ZNF540: variants seen among roughly 807,000 people sequenced by gnomAD.
ZNF540 encodes CTD-3064H18.6.
ZNF540 carries 3 observed loss-of-function variants against 11.8 expected under a neutral mutation model. That is an observed-to-expected ratio of 0.25 (90% CI 0.12 to 0.65). The LOEUF is 0.65. Among genes scored for constraint, ZNF540 ranks in the 30% least tolerant of loss-of-function variants. The pLI is 0.83. For missense variants in ZNF540, 709 were observed against 793.1 expected (o/e 0.89, Z 1.27); for synonymous variants, 247 against 259.0 (o/e 0.95, Z 0.45).
At chr19:37,565,157 C>T (rs2042805166) in intron 1 of ZNF540, 1 of 1,613,462 alleles carries the variant, frequency 6.2e-7, no homozygotes, top group Non-Finnish European at 8.5e-7. Flanking sequence ...GGCCTTTCCA[C>T]ATTCCTTACA....
At chr19:37,573,760 G>A (rs578145373) in intron 1 of ZNF540, among the ~76,000 whole-genome samples, 1 of 150,472 alleles carries the variant, frequency 6.6e-6, no homozygotes, top group Admixed American at 6.6e-5. Flanking sequence ...ACTTCAGCCC[G>A]AGTGTGAGGC....
At chr19:37,555,974 T>G (rs2042654892) in intron 1 of ZNF540, 1 of 701,204 alleles carries the variant, frequency 1.4e-6, no homozygotes, top group Non-Finnish European at 2.6e-6. Context: ...GGTAAGTATC[T>G]CGACAGCTAG....
chr19:37,598,216 G>T (rs1220216802), intron 1 of ZNF540, among the ~76,000 whole-genome samples, 160 bp from the exon 2 acceptor site: 4 of 152,224 alleles, frequency 2.6e-5, no homozygotes, highest in Admixed American at 1.3e-4. Flanking sequence ...GTACAGCCAG[G>T]TTCCCTTGCT....
chr19:37,589,515 T>G (rs1325641548), intron 1 of ZNF540, among the ~76,000 whole-genome samples: 2 of 151,854 alleles, frequency 1.3e-5, no homozygotes, highest in Admixed American at 6.6e-5. Flanking sequence ...TCATTCAACA[T>G]GTAAAATGCT....
intron 4 of ZNF540, among the ~76,000 whole-genome samples, chr19:37,606,199 C>T (rs1202642891): frequency 6.6e-6 from 1 of 152,188 alleles, no homozygotes; most frequent in Non-Finnish European, 1.5e-5. Context: ...ACTCTGGCTT[C>T]TTTAACTTAG....
chr19:37,557,127 A>G (rs1478790304), intron 1 of ZNF540, among the ~76,000 whole-genome samples: 1 of 152,194 alleles, frequency 6.6e-6, no homozygotes, highest in Non-Finnish European at 1.5e-5. Context: ...GAAGGTGTCT[A>G]CTAGTACTAG....
At position 37,611,336 on chromosome 19, in the gene ZNF540, C is replaced by G. The variant is rs141139835; in HGVS notation, c.233-177C>G. The G allele has an allele frequency of 6.0e-3, 3,061 of 509,932 alleles. 21 individuals carry two copies. Among genetic ancestry groups the G allele is most frequent in the Non-Finnish European group, 6.3e-3 (1,905 of 300,768 alleles). 31.6% of individuals were successfully genotyped at this position (509,932 alleles called of 1,614,324 possible). On this transcript the variant is annotated intron_variant, in intron 4 of 4. Transcript: ENST00000316433. ...GCCACCGCGCCCGGCTATAATCTCT[C>G]ATTTTCTAAGCTCATGTTGCCTAAT... is the stretch of plus-strand genomic sequence containing the variant.
chr19:37,577,755 G>A (rs2043292728), intron 1 of ZNF540, among the ~76,000 whole-genome samples: 1 of 152,204 alleles, frequency 6.6e-6, no homozygotes, highest in Non-Finnish European at 1.5e-5. Flanking sequence ...AAATTTAAAT[G>A]TAACTCTAGG....
intron 1 of ZNF540, among the ~76,000 whole-genome samples, chr19:37,570,410 C>T (rs958103496): frequency 2.6e-5 from 4 of 152,182 alleles, no homozygotes; most frequent in East Asian, 1.9e-4. Flanking sequence ...CCCTCCACCT[C>T]GCTTCACCTA....
intron 1 of ZNF540, among the ~76,000 whole-genome samples, chr19:37,580,603 C>T (rs535959414): frequency 6.6e-6 from 1 of 152,274 alleles, no homozygotes; most frequent in East Asian, 1.9e-4. Flanking sequence ...GTGGGAGGTG[C>T]TTGGGTCATG....
chr19:37,601,094 G>T lies in ZNF540; in HGVS notation c.221G>T (p.Arg74Ile), dbSNP rs1271925521. ...PCVVARDVTG[R>I]QCPGLLSRHK... ...GTGGTGGCGAGGGATGTGACAGGAA[G>T]ACAGTGCCCCGGTGAGTTGAGAGTT... The change falls in exon 4 of 5, where the codon AGA (arginine) becomes ATA (isoleucine). Residue 74 changes from arginine to isoleucine, a missense_variant. Physicochemically the swap from Arg to Ile is moderately conservative, Grantham distance 97. Coordinates refer to ENST00000316433, the MANE Select transcript of ZNF540 (RefSeq NM_001172225.3). 1 of 1,578,466 alleles carries T rather than the reference G, an allele frequency of 6.3e-7. No homozygotes were observed. The highest frequency in any genetic ancestry group is 8.6e-7 in the Non-Finnish European group (1 of 1,161,796).
chr19:37,560,172 G>C (rs1426356989), intron 1 of ZNF540, among the ~76,000 whole-genome samples: 1 of 151,848 alleles, frequency 6.6e-6, no homozygotes, highest in African/African-American at 2.4e-5. Flanking sequence ...CAGCTACTCA[G>C]GAGGCTGAGG....
At chr19:37,551,456 C>G (rs1463554711) in exon 1 of ZNF540, 1 of 152,402 alleles carries the variant, frequency 6.6e-6, no homozygotes, top group African/African-American at 2.4e-5. Flanking sequence ...TGCGTCGGCG[C>G]TGGGCTATGG....
chr19:37,565,592 T>G, intron 1 of ZNF540: 2 of 1,613,610 alleles, frequency 1.2e-6, no homozygotes, highest in South Asian at 2.2e-5. Context: ...CTTACATTCA[T>G]AGGGTTTTTC....
At chr19:37,598,243 A>T in intron 1 of ZNF540, 133 bp from the exon 2 acceptor site, 1 of 578,086 alleles carries the variant, frequency 1.7e-6, no homozygotes, top group South Asian at 2.4e-5. Flanking sequence ...AGTGTGTCGG[A>T]GGGAGGTGAG....
In ZNF540 at chr19:37,598,248, G is replaced by A. The variant is rs561497802; in HGVS notation, c.-72-128G>A. ...TGCTGTGGTGAGTGTGTCGGAGGGAGGTGAGGGAAGTGTAGGGGAGGTATT... is the reference window on the plus strand; with the variant it reads ...TGCTGTGGTGAGTGTGTCGGAGGGAAGTGAGGGAAGTGTAGGGGAGGTATT... On this transcript the variant is annotated intron_variant, in intron 1 of 4. Transcript: ENST00000316433. 123 of 586,482 alleles carry A rather than the reference G, an allele frequency of 2.1e-4. No homozygotes were observed. In the South Asian group the frequency reaches 2.6e-3, roughly 13 times the overall value. The allele number at this position is 586,482 out of a possible 1,614,324, so 36.3% of individuals were successfully genotyped here.
chr19:37,580,506 T>C, intron 1 of ZNF540, among the ~76,000 whole-genome samples: 1 of 152,190 alleles, frequency 6.6e-6, no homozygotes, highest in Admixed American at 6.5e-5. Flanking sequence ...TGAAATACCA[T>C]CTGCTATGGT....
intron 4 of ZNF540, among the ~76,000 whole-genome samples, chr19:37,608,637 T>C (rs895286783): frequency 1.5e-5 from 2 of 137,826 alleles, no homozygotes; most frequent in African/African-American, 4.9e-5. Context: ...ACATAGTAAA[T>C]AGGCCTTTAG....
intron 1 of ZNF540, among the ~76,000 whole-genome samples, chr19:37,553,325 G>T (rs2042628301): frequency 6.6e-6 from 1 of 151,082 alleles, no homozygotes. Flanking sequence ...TAGAGATGGG[G>T]TTTCACCATG....
Sources: allele counts gnomAD v4.1 joint callset (sites outside exome capture counted in the v4.1 genomes callset), GRCh38; gene constraint gnomAD v4.1.1; transcripts MANE v1.5; gene names NCBI Gene and HGNC (gene_info 2026-07-23, HGNC 2026-07-21).